The following SCAMP1 variants were observed in gnomAD, a reference collection of about 807,000 sequenced individuals.
The protein encoded by SCAMP1 is secretory carrier membrane protein 1.
In SCAMP1, 15 loss-of-function variants were observed where a neutral mutation model predicts 41.8. The ratio of observed to expected loss-of-function variants is 0.36; its 90% confidence interval spans 0.24 to 0.55. The LOEUF is 0.55. Among genes scored for constraint, SCAMP1 ranks in the 20% least tolerant of loss-of-function variants. The probability of loss-of-function intolerance (pLI) is 0.86; values close to 1 mark genes in which losing one functional copy is unlikely to be tolerated. For missense variants in SCAMP1, 341 were observed against 412.6 expected, an observed-to-expected ratio of 0.83 and a Z score of 1.50; for synonymous variants, 135 against 136.8, an observed-to-expected ratio of 0.99 and a Z score of 0.09.
chr5:78,440,619 A>G (rs560873712), intron 6 of SCAMP1, among the ~76,000 whole-genome samples: 2 of 152,220 alleles, frequency 1.3e-5, no homozygotes, highest in East Asian at 3.9e-4. Flanking sequence ...GTTGGCCCCT[A>G]CTGGGAGGTG....
At chr5:78,366,071 C>T (rs944683148) in intron 1 of SCAMP1, among the ~76,000 whole-genome samples, 4 of 151,968 alleles carry the variant, frequency 2.6e-5, no homozygotes, top group Non-Finnish European at 4.4e-5. Context: ...AGTCCTTTTC[C>T]TCATTGATGG....
intron 6 of SCAMP1, among the ~76,000 whole-genome samples, chr5:78,422,537 A>T (rs2112149283): frequency 6.6e-6 from 1 of 152,168 alleles, no homozygotes; most frequent in Middle Eastern, 3.4e-3. Context: ...TCCTTAGCGC[A>T]TGTTCTGTGG....
In SCAMP1 at chr5:78,374,295, C is replaced by T. The variant is rs569397045; in HGVS notation, c.57+13567C>T. On this transcript the variant is annotated intron_variant, in intron 1 of 8. Transcript: ENST00000621999. ...GTTCCCCTAAATGCAGAATCTGAGGCAGAAGGCATATGTGTTGTTATACTT... is the reference window on the plus strand; with the variant it reads ...GTTCCCCTAAATGCAGAATCTGAGGTAGAAGGCATATGTGTTGTTATACTT... 3.3e-5 allele frequency among the ~76,000 whole-genome samples: 5 copies of T among 152,170 alleles called. No individual in the cohort carries two copies. In the East Asian group the frequency reaches 9.6e-4, roughly 29 times the overall value.
At chr5:78,463,638 T>C (rs1753669972) in intron 8 of SCAMP1, among the ~76,000 whole-genome samples, 1 of 152,226 alleles carries the variant, frequency 6.6e-6, no homozygotes, top group Admixed American at 6.5e-5. Flanking sequence ...CCACATATTG[T>C]ATAGATTCCA....
chr5:78,456,730 C>T (rs1374545796), intron 7 of SCAMP1, among the ~76,000 whole-genome samples: 3 of 149,648 alleles, frequency 2.0e-5, no homozygotes, highest in Non-Finnish European at 4.4e-5. Context: ...GAGCGTTGGC[C>T]TGCCTTGCTA....
intron 2 of SCAMP1, among the ~76,000 whole-genome samples, chr5:78,398,003 TG>T (rs1364259278): frequency 2.0e-5 from 3 of 152,172 alleles, no homozygotes; most frequent in Non-Finnish European, 4.4e-5. Context: ...CTGATGGGAA[TG>T]TAAAATGGTG....
intron 1 of SCAMP1, among the ~76,000 whole-genome samples, chr5:78,383,948 G>T (rs768353509): frequency 6.6e-6 from 1 of 151,964 alleles, no homozygotes; most frequent in Non-Finnish European, 1.5e-5. Flanking sequence ...TTTCAGGATT[G>T]TTTTTCTAGT....
At chr5:78,368,708 G>T (rs758448665) in intron 1 of SCAMP1, among the ~76,000 whole-genome samples, 4 of 152,142 alleles carry the variant, frequency 2.6e-5, no homozygotes, top group African/African-American at 9.7e-5. Context: ...CTGGAATCAA[G>T]TTCTAGGAAG....
chr5:78,365,282 G>C (rs1750765606), intron 1 of SCAMP1, among the ~76,000 whole-genome samples: 1 of 151,872 alleles, frequency 6.6e-6, no homozygotes, highest in Non-Finnish European at 1.5e-5. Context: ...AGACCAGCCT[G>C]GCCAACATGG....
Position 78,374,682 on chromosome 5 carries a change from A to G in SCAMP1, c.57+13954A>G, listed in dbSNP as rs577443896. Among the ~76,000 whole-genome samples the G allele has an allele frequency of 6.3e-5, 9 of 141,768 alleles. No individual in the cohort carries two copies. The East Asian group carries it at 1.5e-3, about 24-fold the overall frequency. 93.0% of individuals were successfully genotyped at this position (141,768 alleles called of 152,430 possible). On this transcript the variant is annotated intron_variant, in intron 1 of 8. Transcript: ENST00000621999. The stretch of plus-strand genomic sequence containing the variant: ...CCAAAGAAATCTTTCTCTAGAATCT[A>G]TAGAGTGTACTCGATAATCAAACAG...
chr5:78,391,308 G>C (rs1373321573), intron 2 of SCAMP1, among the ~76,000 whole-genome samples: 2 of 143,896 alleles, frequency 1.4e-5, no homozygotes, highest in African/African-American at 2.6e-5. Flanking sequence ...CCTCCCGGAC[G>C]GGGCGGCTGG....
chr5:78,364,870 A>G lies in SCAMP1; in HGVS notation c.57+4142A>G, dbSNP rs1004811585. Among the ~76,000 whole-genome samples, 3 of 114,436 alleles carry G rather than the reference A, an allele frequency of 2.6e-5. No homozygotes were observed. The Admixed American group carries it at 3.6e-4, about 14-fold the overall frequency. 75.1% of individuals were successfully genotyped at this position (114,436 alleles called of 152,430 possible). A position where few individuals can be genotyped will look rare whatever the true frequency, so the allele number is the denominator to read the frequency against. On this transcript the variant is annotated intron_variant, in intron 1 of 8. Transcript: ENST00000621999. ...GGACACAGGGTGGGGAACATCACAC[A>G]CCGGGGTCTGTCATGGGGTGGGGGG...
rs1754066015 is a variant in SCAMP1 at position 78,478,860 on chromosome 5, A to G, written c.*3192A>G. 1 of 152,174 alleles carries G rather than the reference A, an allele frequency of 6.6e-6. No homozygotes were observed. Among genetic ancestry groups the G allele is most frequent in the Non-Finnish European group, 1.5e-5 (1 of 67,978 alleles). 9.4% of individuals were successfully genotyped at this position (152,174 alleles called of 1,614,324 possible). On this transcript the variant is annotated 3_prime_UTR_variant, in exon 9 of 9. Coordinates refer to ENST00000621999, the MANE Select transcript of SCAMP1 (RefSeq NM_004866.6). ...TTATTTTCTGGGTGTTATATTTAAA[A>G]AAGCAAGTTTGGATTTTTACACCTA...
intron 8 of SCAMP1, among the ~76,000 whole-genome samples, chr5:78,468,825 T>G (rs1211417360): frequency 6.6e-6 from 1 of 152,174 alleles, no homozygotes; most frequent in Non-Finnish European, 1.5e-5. Context: ...AGTTGGTGTT[T>G]TATGGTAAAT....
intron 1 of SCAMP1, among the ~76,000 whole-genome samples, chr5:78,363,493 A>AC (rs1225117386): frequency 1.3e-5 from 2 of 152,192 alleles, no homozygotes; most frequent in Non-Finnish European, 2.9e-5. Context: ...ACAGGCGTGA[A>AC]CCACTGGGCC....
intron 5 of SCAMP1, among the ~76,000 whole-genome samples, chr5:78,420,369 T>C (rs1752313263): frequency 6.6e-6 from 1 of 152,368 alleles, no homozygotes; most frequent in Admixed American, 6.5e-5. Flanking sequence ...GGTCTAAAAC[T>C]TTTTAAGGCA....
intron 1 of SCAMP1, among the ~76,000 whole-genome samples, chr5:78,380,802 A>G (rs1182183753): frequency 1.3e-5 from 2 of 152,230 alleles, no homozygotes; most frequent in South Asian, 2.1e-4. Flanking sequence ...GCGGTGGCTC[A>G]TGCTTGTAAT....
chr5:78,473,225 A>T (rs553722237), intron 8 of SCAMP1, among the ~76,000 whole-genome samples: 1 of 152,270 alleles, frequency 6.6e-6, no homozygotes, highest in Non-Finnish European at 1.5e-5. Context: ...ATCTGTAGTA[A>T]TATGGCGTTT....
chr5:78,371,647 T>G (rs186218979), intron 1 of SCAMP1, among the ~76,000 whole-genome samples: 1 of 152,230 alleles, frequency 6.6e-6, no homozygotes. Context: ...TTGCATACTT[T>G]AATGCTTAAA....
Sources: allele counts gnomAD v4.1 joint callset (sites outside exome capture counted in the v4.1 genomes callset), GRCh38; gene constraint gnomAD v4.1.1; transcripts MANE v1.5; gene names NCBI Gene and HGNC (gene_info 2026-07-23, HGNC 2026-07-21).